Variants in SETD5 observed in about 807,000 individuals in gnomAD.
The protein encoded by SETD5 is SET domain containing 5.
SETD5 carries 44 observed loss-of-function variants against 153.3 expected under a neutral mutation model. The observed-to-expected ratio is 0.29, with a 90% CI of 0.23 to 0.37. The LOEUF is 0.37. Among genes scored for constraint, SETD5 ranks in the 10% least tolerant of loss-of-function variants. The probability of loss-of-function intolerance (pLI) is 1.00; values close to 1 mark genes in which losing one functional copy is unlikely to be tolerated. For synonymous variants in SETD5, 716 were observed against 645.2 expected (o/e 1.11, Z -1.66); for missense variants, 1,544 against 1,768.0 (o/e 0.87, Z 2.27).
At chr3:9,470,372 C>G in intron 18 of SETD5, 87 bp from the exon 19 acceptor site, 1 of 946,202 alleles carries the variant, frequency 1.1e-6, no homozygotes, top group Non-Finnish European at 1.7e-6. Context: ...TTTCCCTGTT[C>G]ACCTGTGTCC....
chr3:9,439,394 TATG>T, intron 7 of SETD5, among the ~76,000 whole-genome samples: 1 of 152,366 alleles, frequency 6.6e-6, no homozygotes, highest in South Asian at 2.1e-4. Context: ...AAGAAAGTGT[TATG>T]ATAAGCATCA....
chr3:9,470,089 G>T (rs1277640484), intron 18 of SETD5, among the ~76,000 whole-genome samples: 1 of 152,116 alleles, frequency 6.6e-6, no homozygotes, highest in Admixed American at 6.5e-5. Context: ...TTTGTTTTGT[G>T]CATGGGGCTA....
intron 18 of SETD5, 98 bp from the exon 19 acceptor site, chr3:9,470,361 C>A: frequency 1.1e-6 from 1 of 880,014 alleles, no homozygotes; most frequent in East Asian, 2.4e-5. Flanking sequence ...TCCCTCTTAT[C>A]TTTCCCTGTT....
Position 9,406,607 on chromosome 3 carries a change from C to CAAAAAAAAAAAAAAAAAA in SETD5, c.-177+8644_-177+8645insAAAAAAAAAAAAAAAAAA, listed in dbSNP as rs746999028. Among the ~76,000 whole-genome samples, 87 of 99,128 alleles carry CAAAAAAAAAAAAAAAAAA rather than the reference C, an allele frequency of 8.8e-4. 1 individual carries two copies. The highest frequency in any genetic ancestry group is 3.0e-3 in the African/African-American group (75 of 25,374). 65.0% of individuals were successfully genotyped at this position (99,128 alleles called of 152,430 possible). On this transcript the variant is annotated intron_variant, in intron 1 of 22. Coordinates refer to ENST00000402198, the MANE Select transcript of SETD5 (RefSeq NM_001080517.3). ...TGGGCGACAGAGCGAGACTCTGTCT[C>CAAAAAAAAAAAAAAAAAA]AAAAAAAAAAAAAAGAATAGATCTG...
chr3:9,405,686 GAA>G (rs1480578013), intron 1 of SETD5, among the ~76,000 whole-genome samples: 1 of 152,152 alleles, frequency 6.6e-6, no homozygotes, highest in Non-Finnish European at 1.5e-5. Flanking sequence ...GATCTAGTTT[GAA>G]TCTGGTTTCC....
In SETD5 at chr3:9,470,514, C is replaced by G. The variant is rs527838238; in HGVS notation, c.2780C>G (p.Thr927Ser). 2 of 1,613,968 alleles carry G rather than the reference C, an allele frequency of 1.2e-6. No individual in the cohort carries two copies. Among genetic ancestry groups the G allele is most frequent in the Non-Finnish European group, 1.7e-6 (2 of 1,179,870 alleles). The change falls in exon 19 of 23, where the codon ACT becomes AGT. Residue 927 changes from threonine (T) to serine (S), a missense_variant. Physicochemically the swap from Thr to Ser is moderately conservative, Grantham distance 58 (BLOSUM62 1). Around this residue, in one of 9 missense-constraint regions of SETD5, gnomAD observed 782 missense variants for 787.2 expected, o/e 0.99. Coordinates refer to ENST00000402198, the MANE Select transcript of SETD5 (RefSeq NM_001080517.3). ...LAKVGYLDSN[T>S]NSCADRPSLL... Reference sequence around the variant, plus strand: ...AAAGTAGGATACCTTGACTCCAACACTAACAGCTGTGCTGATAGACCTTCC... The same window carrying G: ...AAAGTAGGATACCTTGACTCCAACAGTAACAGCTGTGCTGATAGACCTTCC...
In SETD5 at chr3:9,476,160, C is replaced by T; in HGVS notation, c.*69C>T. The stretch of plus-strand genomic sequence containing the variant: ...GCTTCCTTCCAGCTGCCTCTGGAAC[C>T]TAGGCCGAGCATATTGCTGAGGAAC... On this transcript the variant is annotated 3_prime_UTR_variant, in exon 23 of 23. Transcript: ENST00000402198. 1 of 1,530,264 alleles carries T rather than the reference C, an allele frequency of 6.5e-7. No homozygotes were observed. Among genetic ancestry groups the T allele is most frequent in the Non-Finnish European group, 8.8e-7 (1 of 1,136,716 alleles). 94.8% of individuals were successfully genotyped at this position (1,530,264 alleles called of 1,614,324 possible). A position where few individuals can be genotyped will look rare whatever the true frequency, so the allele number is the denominator to read the frequency against.
At chr3:9,448,367 A>G in intron 15 of SETD5, 21 bp from the exon 16 acceptor site, 3 of 1,611,612 alleles carry the variant, frequency 1.9e-6, no homozygotes, top group Non-Finnish European at 2.5e-6. Flanking sequence ...TTATAAACTA[A>G]TGATCTCTTT....
chr3:9,460,275 A>T (rs922935988), intron 17 of SETD5, among the ~76,000 whole-genome samples: 1 of 151,872 alleles, frequency 6.6e-6, no homozygotes, highest in African/African-American at 2.4e-5. Context: ...AAAAAAAAAA[A>T]CTAAAGAACT....
intron 2 of SETD5, among the ~76,000 whole-genome samples, chr3:9,424,983 C>T (rs1466125886): frequency 6.7e-6 from 1 of 148,258 alleles, no homozygotes; most frequent in Non-Finnish European, 1.5e-5. Context: ...ATGAAACAGT[C>T]ATGTTAAACT....
intron 1 of SETD5, among the ~76,000 whole-genome samples, chr3:9,416,809 A>T (rs768643403): frequency 6.6e-6 from 1 of 152,180 alleles, no homozygotes; most frequent in Non-Finnish European, 1.5e-5. Flanking sequence ...TTTGCTGTAG[A>T]CTAATCCTGG....
In SETD5 at chr3:9,473,518, G is replaced by A. The variant is rs1416375276; in HGVS notation, c.3478G>A (p.Glu1160Lys). ...TTCTTCATCTCACTGCAGACCTCAA[G>A]AGAATATCAGCAGTAGGTGGTAAGT... ...GTSSSHCRPQ[E>K]NISSRWMVPT... is the part of the protein sequence containing the mutation. Residue 1160 changes from glutamate to lysine, a missense_variant, in exon 20 of 23, where the codon GAG (glutamate) becomes AAG (lysine). Glu to Lys is a moderately conservative substitution (Grantham distance 56, BLOSUM62 1). Coordinates refer to ENST00000402198, the MANE Select transcript of SETD5 (RefSeq NM_001080517.3). The A allele has an allele frequency of 1.2e-6, 2 of 1,612,764 alleles. No homozygotes were observed. The highest frequency in any genetic ancestry group is 1.1e-5 in the South Asian group (1 of 90,836).
intron 2 of SETD5, chr3:9,426,214 T>TTTTTG: frequency 2.2e-5 from 1 of 44,854 alleles, no homozygotes; most frequent in South Asian, 7.2e-4. Flanking sequence ...CATCAGTCCC[T>TTTTTG]TTTTTTTTTT....
chr3:9,434,459 C>A lies in SETD5; in HGVS notation c.303C>A (p.Gly101=). The A allele has an allele frequency of 6.2e-7, 1 of 1,613,942 alleles. No homozygotes were observed. The highest frequency in any genetic ancestry group is 8.5e-7 in the Non-Finnish European group (1 of 1,179,882). ...TWCPCGLSQD[G]FLLNCDKCRG... is the part of the protein sequence containing the mutation. ...GTCCTTGTGGTCTTTCTCAGGATGG[C>A]TTCCTTCTCAACTGTGACAAGTGCA... Residue 101 remains glycine, a synonymous_variant, in exon 5 of 23, where the codon GGC becomes GGA. Transcript: ENST00000402198. The surrounding 1 kb of genome is among the most constrained non-coding windows in gnomAD (Gnocchi z 5.6).
chr3:9,431,504 T>C (rs962137906), intron 3 of SETD5: 1 of 967,372 alleles, frequency 1.0e-6, no homozygotes, highest in Non-Finnish European at 1.2e-6. Context: ...TTAGGAAATC[T>C]TGTAGTTACC....
At chr3:9,442,269 C>T in intron 10 of SETD5, 24 bp downstream of exon 10, 1 of 1,490,510 alleles carries the variant, frequency 6.7e-7, no homozygotes, top group African/African-American at 1.4e-5. Context: ...AGCAACTTCC[C>T]TTTGACTGGA....
rs937437705 is a variant in SETD5, at chr3:9,430,948, A to C, written c.71+1939A>C. On this transcript the variant is annotated intron_variant, in intron 3 of 22. Coordinates refer to ENST00000402198, the MANE Select transcript of SETD5 (RefSeq NM_001080517.3). ...TGTGGTCATAACTAGCTACATAGTT[A>C]TGCATTTCTGCAAAGGGAAAGAATG... The C allele has an allele frequency of 8.1e-6, 8 of 985,350 alleles. No homozygotes were observed. In the Admixed American group the frequency reaches 3.7e-4, roughly 45 times the overall value. 61.0% of individuals were successfully genotyped at this position (985,350 alleles called of 1,614,324 possible).
chr3:9,418,657 G>A (rs1039216500), intron 1 of SETD5, among the ~76,000 whole-genome samples: 1 of 151,816 alleles, frequency 6.6e-6, no homozygotes, highest in Non-Finnish European at 1.5e-5. Context: ...ACAATAATCA[G>A]CTGGGTGTGG....
chr3:9,422,211 G>A (rs1290797548), intron 1 of SETD5, among the ~76,000 whole-genome samples: 1 of 152,112 alleles, frequency 6.6e-6, no homozygotes, highest in African/African-American at 2.4e-5. Flanking sequence ...AAAATAATCT[G>A]ATCCTTTAGT....
Sources: allele counts gnomAD v4.1 joint callset (sites outside exome capture counted in the v4.1 genomes callset), GRCh38; gene constraint gnomAD v4.1.1; regional missense constraint gnomAD v4.1.1; non-coding constraint Gnocchi (gnomAD v3.1); transcripts MANE v1.5; gene names NCBI Gene and HGNC (gene_info 2026-07-23, HGNC 2026-07-21).